PTPRA: variants seen among roughly 807,000 people sequenced by gnomAD.
The protein encoded by PTPRA is protein tyrosine phosphatase receptor type A.
A neutral mutation model predicts 104.8 loss-of-function variants in PTPRA; 25 were observed. That is an observed-to-expected ratio of 0.24 (90% confidence interval 0.17 to 0.33). The LOEUF (loss-of-function observed/expected upper bound fraction) is 0.33. PTPRA is among the 10% of genes least tolerant of loss of function. The pLI is 1.00. For synonymous variants in PTPRA, 323 were observed against 368.9 expected, an observed-to-expected ratio of 0.88 and a Z score of 1.43; for missense variants, 765 against 1,015.3, an observed-to-expected ratio of 0.75 and a Z score of 3.35.
chr20:2,956,113 C>T (rs1335662727), intron 3 of PTPRA, among the ~76,000 whole-genome samples: 3 of 152,190 alleles, frequency 2.0e-5, no homozygotes, highest in Admixed American at 2.0e-4. Context: ...TTTAGATATT[C>T]CTGCCCTGCT....
chr20:2,927,735 C>T (rs1316124777), intron 2 of PTPRA, among the ~76,000 whole-genome samples: 1 of 152,022 alleles, frequency 6.6e-6, no homozygotes, highest in South Asian at 2.1e-4. Context: ...GGCTAGGGGG[C>T]ATGGTGGCTC....
upstream of PTPRA, among the ~76,000 whole-genome samples, chr20:2,869,826 G>T (rs951895577): frequency 6.6e-6 from 1 of 151,836 alleles, no homozygotes; most frequent in African/African-American, 2.4e-5. Context: ...AAATTAGCTG[G>T]GGGTGGTGGC....
At chr20:2,949,433 A>G (rs2147780800) in intron 3 of PTPRA, among the ~76,000 whole-genome samples, 1 of 151,368 alleles carries the variant, frequency 6.6e-6, no homozygotes, top group South Asian at 2.1e-4. Flanking sequence ...CTCCTTTCTA[A>G]TTGTTATAAT....
At chr20:2,941,696 C>A (rs1266550029) in intron 2 of PTPRA, among the ~76,000 whole-genome samples, 1 of 152,186 alleles carries the variant, frequency 6.6e-6, no homozygotes, top group Non-Finnish European at 1.5e-5. Flanking sequence ...CTTCCTGGCA[C>A]CTGCTCCCCC....
rs1031134385 is a variant in PTPRA, at chr20:2,873,710, A to G, written c.-179A>G. The G allele has an allele frequency of 6.6e-6, 1 of 151,262 alleles. No individual in the cohort carries two copies. The highest frequency in any genetic ancestry group is 2.4e-5 in the African/African-American group (1 of 41,236). The allele number at this position is 151,262 out of a possible 1,614,324, so 9.4% of individuals were successfully genotyped here. On this transcript the variant is annotated 5_prime_UTR_variant, in exon 1 of 24. Coordinates refer to ENST00000399903, the MANE Select transcript of PTPRA (RefSeq NM_001385305.1). This position sits in a 1 kb window ranked among gnomAD's most constrained non-coding sequence, Gnocchi z 4.4. Reference sequence around the variant, plus strand: ...GGCCCGAAACGCCGCCGCGGAGCCGAGGCGGAGCCGCTGTCCTCGTCCCCA... The same window carrying G: ...GGCCCGAAACGCCGCCGCGGAGCCGGGGCGGAGCCGCTGTCCTCGTCCCCA...
At chr20:2,908,584 C>T (rs2059511428) in intron 1 of PTPRA, among the ~76,000 whole-genome samples, 2 of 152,004 alleles carry the variant, frequency 1.3e-5, no homozygotes, top group Non-Finnish European at 2.9e-5. Context: ...GCATACCCTC[C>T]ACTGTGCCTT....
intron 2 of PTPRA, among the ~76,000 whole-genome samples, chr20:2,929,490 G>A (rs912837522): frequency 2.0e-5 from 3 of 152,124 alleles, no homozygotes; most frequent in African/African-American, 4.8e-5. Flanking sequence ...AGGATTTTAT[G>A]TACTGATATT....
chr20:3,018,224 T>C (rs2064570659), intron 13 of PTPRA, among the ~76,000 whole-genome samples: 1 of 152,078 alleles, frequency 6.6e-6, no homozygotes. Context: ...TTGTTTTGTT[T>C]TGTTTTGTTT....
intron 9 of PTPRA, among the ~76,000 whole-genome samples, chr20:3,001,664 T>C (rs1200312658): frequency 1.3e-5 from 2 of 152,206 alleles, no homozygotes; most frequent in African/African-American, 2.4e-5. Flanking sequence ...AATAATGGTC[T>C]CTACTGCGTG....
intron 5 of PTPRA, among the ~76,000 whole-genome samples, chr20:2,971,431 C>T (rs1350519478): frequency 6.6e-6 from 1 of 152,126 alleles, no homozygotes; most frequent in Non-Finnish European, 1.5e-5. Flanking sequence ...ACATTTTGTA[C>T]TGGCCACCTT....
chr20:2,944,060 A>G (rs1260268277), intron 2 of PTPRA, among the ~76,000 whole-genome samples: 1 of 92,112 alleles, frequency 1.1e-5, no homozygotes, highest in Non-Finnish European at 2.2e-5. Context: ...TTTTTTTTTT[A>G]GACAGGGTCT....
chr20:2,986,954 G>T, intron 7 of PTPRA, 105 bp downstream of exon 7: 3 of 1,000,764 alleles, frequency 3.0e-6, no homozygotes. Context: ...ACAATGAATA[G>T]GATAGAGGGG....
At chr20:2,883,895 C>A (rs1008002724) in intron 1 of PTPRA, among the ~76,000 whole-genome samples, 7 of 152,180 alleles carry the variant, frequency 4.6e-5, no homozygotes, top group Non-Finnish European at 1.0e-4. Flanking sequence ...AGCCTCACTT[C>A]CCATTCTCTC....
chr20:3,029,470 T>A (rs2065314121), intron 20 of PTPRA, among the ~76,000 whole-genome samples: 1 of 151,298 alleles, frequency 6.6e-6, no homozygotes, highest in Admixed American at 6.6e-5. Flanking sequence ...GTCATTTAAC[T>A]CATTAGCTAT....
intron 8 of PTPRA, 69 bp downstream of exon 8, chr20:2,988,174 A>T: frequency 6.6e-7 from 1 of 1,523,984 alleles, no homozygotes. Flanking sequence ...GAGTTTCTCC[A>T]TCCTTTTAAA....
At chr20:2,865,417 G>T in the PTPRA span, 2 of 1,614,050 alleles carry the variant, frequency 1.2e-6, no homozygotes, top group East Asian at 2.2e-5. The surrounding 1 kb of genome is among the most constrained non-coding windows in gnomAD (Gnocchi z 5.2). Flanking sequence ...GGCTGAAGCT[G>T]ACTGCCCTGG....
intron 22 of PTPRA, among the ~76,000 whole-genome samples, chr20:3,036,160 T>A (rs570893343): frequency 6.6e-6 from 1 of 152,228 alleles, no homozygotes; most frequent in South Asian, 2.1e-4. Flanking sequence ...AATGTTCAGA[T>A]AGTGGGCAGG....
intron 3 of PTPRA, among the ~76,000 whole-genome samples, chr20:2,958,347 G>A (rs1043156802): frequency 3.3e-5 from 5 of 152,040 alleles, no homozygotes; most frequent in East Asian, 3.9e-4. Flanking sequence ...GAGATAAAGC[G>A]TTGTTGGAGT....
At chr20:2,994,839 C>T (rs905562017) in intron 9 of PTPRA, among the ~76,000 whole-genome samples, 6 of 152,180 alleles carry the variant, frequency 3.9e-5, no homozygotes, top group African/African-American at 1.2e-4. Context: ...AGAAATTTGG[C>T]TTTATCCAGG....
Sources: allele counts gnomAD v4.1 joint callset (sites outside exome capture counted in the v4.1 genomes callset), GRCh38; gene constraint gnomAD v4.1.1; non-coding constraint Gnocchi (gnomAD v3.1); transcripts MANE v1.5; gene names NCBI Gene and HGNC (gene_info 2026-07-23, HGNC 2026-07-21).